The following NID2 variants were observed in gnomAD, a reference collection of about 807,000 sequenced individuals.
The protein encoded by NID2 is nidogen 2.
Under a neutral mutation model 145.4 loss-of-function variants are expected in NID2, and 83 were observed. The observed-to-expected ratio is 0.57, with a 90% CI of 0.48 to 0.69. The LOEUF (loss-of-function observed/expected upper bound fraction) is 0.69, where lower values mean the gene tolerates loss of function less well. Among genes scored for constraint, NID2 ranks in the 30% least tolerant of loss-of-function variants. NID2 has a pLI of 0.00. For synonymous variants in NID2, 739 were observed against 701.3 expected (o/e 1.05, Z -0.85); for missense variants, 1,807 against 1,765.7 (o/e 1.02, Z -0.42).
chr14:52,015,186 C>A lies in NID2; in HGVS notation c.3118G>T (p.Val1040Leu), dbSNP rs1461741815. 12 of 1,613,982 alleles carry A rather than the reference C, an allele frequency of 7.4e-6. No individual in the cohort carries two copies. Among genetic ancestry groups the A allele is most frequent in the Non-Finnish European group, 1.0e-5 (12 of 1,180,008 alleles). ...YGGTPRDDQY[V>L]PQCDDLGHFI... ...TGGCCCAGGTCATCGCACTGGGGCA[C>A]GTACTGGTCATCCCGGGGGGTGCCA... is the stretch of plus-strand genomic sequence containing the variant. Residue 1040 changes from valine to leucine, a missense_variant, in exon 15 of 22, where the codon GTG becomes TTG. Transcript: ENST00000216286.
At chr14:52,021,988 G>A (rs774873022) in intron 12 of NID2, among the ~76,000 whole-genome samples, 1 of 152,150 alleles carries the variant, frequency 6.6e-6, no homozygotes, top group African/African-American at 2.4e-5. Context: ...GGAAATTAAA[G>A]CTATTCACAA....
At chr14:52,034,350 C>T (rs1047808988) in intron 9 of NID2, among the ~76,000 whole-genome samples, 1 of 152,154 alleles carries the variant, frequency 6.6e-6, no homozygotes, top group Non-Finnish European at 1.5e-5. Context: ...ATGCCTACAC[C>T]CAACACAGGG....
chr14:52,035,318 T>C (rs1238271271), intron 9 of NID2, among the ~76,000 whole-genome samples: 2 of 152,250 alleles, frequency 1.3e-5, no homozygotes, highest in African/African-American at 4.8e-5. Context: ...ATCTTTTTAC[T>C]GTCTCTATAG....
intron 16 of NID2, among the ~76,000 whole-genome samples, chr14:52,013,397 A>G (rs1891102324): frequency 6.6e-6 from 1 of 152,218 alleles, no homozygotes. Context: ...AGGACCCAAC[A>G]AACTCGAATC....
chr14:52,011,027 G>A lies in NID2; in HGVS notation c.3571C>T (p.Leu1191Phe). 1 of 1,614,160 alleles carries A rather than the reference G, an allele frequency of 6.2e-7. No individual in the cohort carries two copies. The highest frequency in any genetic ancestry group is 8.5e-7 in the Non-Finnish European group (1 of 1,180,004). The change falls in exon 18 of 22, where the codon CTT becomes TTT. Residue 1191 changes from leucine (L) to phenylalanine (F), a missense_variant. By Grantham distance (22) the Leu-to-Phe change is conservative. Transcript: ENST00000216286. ...GTTCTGCGGATGTGGTCTATGGCAAGTCCTTCAGGGCTTATCAGACCTGGA... is the reference window on the plus strand; with the variant it reads ...GTTCTGCGGATGTGGTCTATGGCAAATCCTTCAGGGCTTATCAGACCTGGA... Reference protein sequence around the residue: ...VNSGLISPEGLAIDHIRRTMY... With the variant: ...VNSGLISPEGFAIDHIRRTMY...
At chr14:52,058,881 T>A in intron 3 of NID2, among the ~76,000 whole-genome samples, 1 of 151,438 alleles carries the variant, frequency 6.6e-6, no homozygotes, top group African/African-American at 2.4e-5. Flanking sequence ...GAAGAGAGGG[T>A]GGAACCAGAG....
chr14:52,064,017 A>G (rs1290786283), intron 2 of NID2, among the ~76,000 whole-genome samples: 1 of 152,140 alleles, frequency 6.6e-6, no homozygotes, highest in East Asian at 1.9e-4. Flanking sequence ...TATTCTCTTC[A>G]TCTTCACAGT....
intron 18 of NID2, chr14:52,009,299 C>A (rs1890917920): frequency 6.6e-6 from 1 of 152,302 alleles, no homozygotes; most frequent in African/African-American, 2.4e-5. Context: ...GATTTAATAT[C>A]ATCAACAACA....
intron 21 of NID2, 50 bp downstream of exon 21, chr14:52,005,687 C>G (rs375130113): frequency 1.6e-5 from 23 of 1,464,448 alleles, no homozygotes; most frequent in Non-Finnish European, 2.2e-5. Context: ...CATATATATC[C>G]CTTCTCTACC....
Position 52,005,410 on chromosome 14 carries a change from T to C in NID2, c.*76A>G. 1 of 1,395,876 alleles carries C rather than the reference T, an allele frequency of 7.2e-7. No homozygotes were observed. The highest frequency in any genetic ancestry group is 9.6e-7 in the Non-Finnish European group (1 of 1,044,800). 86.5% of individuals were successfully genotyped at this position (1,395,876 alleles called of 1,614,324 possible). On this transcript the variant is annotated 3_prime_UTR_variant, in exon 22 of 22. Coordinates refer to ENST00000216286, the MANE Select transcript of NID2 (RefSeq NM_007361.4). ...AATGGCCAATTCCTTTTTTACTTTC[T>C]TTGCCTTTGCAGTCACTGTTCTTTA...
intron 3 of NID2, among the ~76,000 whole-genome samples, chr14:52,058,622 G>T (rs1892927124): frequency 6.6e-6 from 1 of 152,114 alleles, no homozygotes; most frequent in Non-Finnish European, 1.5e-5. Context: ...TTATGGCTCT[G>T]CTCAGGGAAC....
At chr14:52,057,768 C>A (rs911751603) in intron 3 of NID2, among the ~76,000 whole-genome samples, 2 of 149,250 alleles carry the variant, frequency 1.3e-5, no homozygotes, top group African/African-American at 4.9e-5. Context: ...ATGAATATGG[C>A]AAAATGTTTA....
Position 52,005,459 on chromosome 14 carries a change from T to C in NID2, c.*27A>G. 1 of 1,576,892 alleles carries C rather than the reference T, an allele frequency of 6.3e-7. No individual in the cohort carries two copies. Among genetic ancestry groups the C allele is most frequent in the Non-Finnish European group, 8.6e-7 (1 of 1,165,250 alleles). Reference sequence around the variant, plus strand: ...TAGGGTCCAGGTTCTGATTGTAAACTCCAAGTCTTCCTTTACATTACTGTA... The same window carrying C: ...TAGGGTCCAGGTTCTGATTGTAAACCCCAAGTCTTCCTTTACATTACTGTA... On this transcript the variant is annotated 3_prime_UTR_variant, in exon 22 of 22. Coordinates refer to ENST00000216286, the MANE Select transcript of NID2 (RefSeq NM_007361.4).
chr14:52,038,646 CA>C, intron 9 of NID2, 100 bp downstream of exon 9: 2 of 893,492 alleles, frequency 2.2e-6, no homozygotes, highest in Non-Finnish European at 3.4e-6. Flanking sequence ...TAGCACATAA[CA>C]CAGCATGGCA....
At chr14:52,017,710 G>C (rs1389012070) in intron 14 of NID2, among the ~76,000 whole-genome samples, 1 of 152,002 alleles carries the variant, frequency 6.6e-6, no homozygotes, top group Non-Finnish European at 1.5e-5. Flanking sequence ...GAATTTCTCT[G>C]TACCTTTTTT....
intron 9 of NID2, 61 bp from the exon 10 acceptor site, chr14:52,029,751 G>A: frequency 6.9e-7 from 1 of 1,449,094 alleles, no homozygotes; most frequent in Non-Finnish European, 9.6e-7. Flanking sequence ...ATGTCACGGA[G>A]ATAGAGGAGT....
At chr14:52,036,715 T>C (rs532658275) in intron 9 of NID2, among the ~76,000 whole-genome samples, 3 of 152,350 alleles carry the variant, frequency 2.0e-5, no homozygotes, top group East Asian at 3.9e-4. Flanking sequence ...TGTAAAGTAG[T>C]ATCTCATTGT....
intron 17 of NID2, among the ~76,000 whole-genome samples, 165 bp from the exon 18 acceptor site, chr14:52,011,212 A>G (rs1891006388): frequency 6.6e-6 from 1 of 152,220 alleles, no homozygotes; most frequent in Admixed American, 6.5e-5. Context: ...TACTTTTGTT[A>G]CATATTCCAC....
At chr14:52,012,994 G>C (rs573871754) in intron 16 of NID2, among the ~76,000 whole-genome samples, 1 of 152,324 alleles carries the variant, frequency 6.6e-6, no homozygotes, top group African/African-American at 2.4e-5. Context: ...AAAACAGGCA[G>C]CTTATATGGG....
Sources: gnomAD v4.1 joint callset for allele counts (sites outside exome capture counted in the v4.1 genomes callset) on GRCh38, gnomAD v4.1.1 for gene constraint, MANE v1.5 for transcripts, NCBI Gene and HGNC (gene_info 2026-07-23, HGNC 2026-07-21) for gene names.